Variants in SPTY2D1 observed in about 807,000 individuals in gnomAD.
The protein encoded by SPTY2D1 is protein SPT2 homolog.
SPTY2D1 carries 21 observed loss-of-function variants against 64.0 expected under a neutral mutation model. That is an observed-to-expected ratio of 0.33 (90% CI 0.23 to 0.47). The LOEUF (loss-of-function observed/expected upper bound fraction) is 0.47, where lower values mean the gene tolerates loss of function less well. Ranked by LOEUF, SPTY2D1 falls within the 20% of genes least tolerant of loss-of-function variation. The pLI, the probability that SPTY2D1 is intolerant of heterozygous loss-of-function variation, is 1.00. For synonymous variants in SPTY2D1, 287 were observed against 286.8 expected (o/e 1.00, Z -0.01); for missense variants, 724 against 837.2 (o/e 0.86, Z 1.67).
chr11:18,611,351 G>T, intron 5 of SPTY2D1, 126 bp downstream of exon 5: 1 of 837,998 alleles, frequency 1.2e-6, no homozygotes, highest in Non-Finnish European at 2.0e-6. Flanking sequence ...CCCACAGCTA[G>T]TAAACAGGAT....
chr11:18,616,764 CT>C, intron 2 of SPTY2D1, 110 bp downstream of exon 2: 1 of 921,826 alleles, frequency 1.1e-6, no homozygotes, highest in Non-Finnish European at 1.7e-6. Flanking sequence ...CACACACACC[CT>C]CCCAAATCTG....
At chr11:18,611,340 C>A in intron 5 of SPTY2D1, 137 bp downstream of exon 5, 1 of 773,338 alleles carries the variant, frequency 1.3e-6, no homozygotes, top group Admixed American at 2.6e-5. Context: ...TTGTCCAAGG[C>A]CCCACAGCTA....
Position 18,615,877 on chromosome 11 carries a change from C to T in SPTY2D1, c.397G>A (p.Glu133Lys), listed in dbSNP as rs535616185. Residue 133 changes from glutamate (E) to lysine (K), a missense_variant, in exon 3 of 6, where the codon GAG (glutamate) becomes AAG (lysine). By Grantham distance (56) the Glu-to-Lys change is moderately conservative. Transcript: ENST00000336349. The stretch of plus-strand genomic sequence containing the variant: ...TGCTCTGACTCTGCGTGATTGTACT[C>T]GAGGAATTCATTCTCTTCTTCCATT... ...YEMEEENEFL[E>K]YNHAESEQEY... The T allele has an allele frequency of 1.2e-5, 20 of 1,614,034 alleles. No homozygotes were observed. Among genetic ancestry groups the T allele is most frequent in the South Asian group, 3.3e-5 (3 of 91,068 alleles).
intron 1 of SPTY2D1, among the ~76,000 whole-genome samples, chr11:18,627,873 C>T (rs375878521): frequency 0.017 from 2,098 of 124,438 alleles, 36 homozygotes; most frequent in African/African-American, 0.048. Flanking sequence ...AGCAAGACTC[C>T]GTCTCAAAAA....
chr11:18,620,023 G>A (rs1296340550), intron 1 of SPTY2D1, among the ~76,000 whole-genome samples: 4 of 152,154 alleles, frequency 2.6e-5, no homozygotes, highest in Non-Finnish European at 5.9e-5. Context: ...CCGAAAAGCT[G>A]CTCTTGACTG....
intron 1 of SPTY2D1, among the ~76,000 whole-genome samples, chr11:18,626,654 C>A (rs1047880042): frequency 6.6e-6 from 1 of 152,186 alleles, no homozygotes; most frequent in African/African-American, 2.4e-5. Flanking sequence ...GGGCAAGTTA[C>A]GGGCCTCAGT....
intron 1 of SPTY2D1, among the ~76,000 whole-genome samples, chr11:18,627,908 C>T (rs1180684649): frequency 6.6e-6 from 1 of 151,648 alleles, no homozygotes; most frequent in African/African-American, 2.4e-5. Context: ...ATTAGCTGGG[C>T]ATGGTGGTGC....
intron 1 of SPTY2D1, among the ~76,000 whole-genome samples, chr11:18,618,456 A>C (rs1029999341): frequency 5.3e-5 from 8 of 152,236 alleles, no homozygotes; most frequent in Admixed American, 5.2e-4. Context: ...AAATATTTCC[A>C]CTTTATAAGT....
chr11:18,616,698 A>G (rs900820186), intron 2 of SPTY2D1, among the ~76,000 whole-genome samples, 177 bp downstream of exon 2: 2 of 151,566 alleles, frequency 1.3e-5, no homozygotes, highest in Admixed American at 6.6e-5. Context: ...TCGAGGTAAC[A>G]TATGTAAAGC....
rs138155181 is a variant in SPTY2D1, at chr11:18,615,373, G to A, written c.901C>T (p.Arg301Cys). 4.5e-4 allele frequency: 731 copies of A among 1,614,194 alleles called. No individual in the cohort carries two copies. Among genetic ancestry groups the A allele is most frequent in the Middle Eastern group, 6.6e-4 (4 of 6,052 alleles). The part of the protein sequence containing the change: ...GSGNSSQPSL[R>C]EGHDKPVFNG... Reference sequence around the variant, plus strand: ...AAAACAGGTTTGTCGTGGCCCTCACGAAGTGAGGGTTGGGAGCTATTGCCA... The same window carrying A: ...AAAACAGGTTTGTCGTGGCCCTCACAAAGTGAGGGTTGGGAGCTATTGCCA... Residue 301 changes from arginine to cysteine, a missense_variant, in exon 3 of 6, where the codon CGT (arginine) becomes TGT (cysteine). Around this residue, in one of 3 missense-constraint regions of SPTY2D1, gnomAD observed 426 missense variants for 431.8 expected, o/e 0.99. Coordinates refer to ENST00000336349, the MANE Select transcript of SPTY2D1 (RefSeq NM_194285.3).
intron 3 of SPTY2D1, among the ~76,000 whole-genome samples, chr11:18,613,340 AG>A (rs1387468854): frequency 3.9e-5 from 6 of 152,392 alleles, no homozygotes; most frequent in African/African-American, 1.4e-4. Context: ...TCAACAGCCC[AG>A]GATCTGGGAA....
intron 1 of SPTY2D1, among the ~76,000 whole-genome samples, chr11:18,628,492 T>A (rs1453418149): frequency 6.6e-6 from 1 of 152,208 alleles, no homozygotes; most frequent in Non-Finnish European, 1.5e-5. Context: ...TGGAGAATCA[T>A]GTTTATAAAG....
At chr11:18,611,428 A>G (rs1362317991) in intron 5 of SPTY2D1, 49 bp downstream of exon 5, 2 of 1,540,796 alleles carry the variant, frequency 1.3e-6, no homozygotes, top group Non-Finnish European at 9.0e-7. Flanking sequence ...ATAAGCAGAA[A>G]GGAATTTTTA....
In SPTY2D1 at chr11:18,615,585, T is replaced by C. The variant is rs1222462230; in HGVS notation, c.689A>G (p.Lys230Arg). 1.9e-6 allele frequency: 3 copies of C among 1,614,224 alleles called. No individual in the cohort carries two copies. The highest frequency in any genetic ancestry group is 2.5e-6 in the Non-Finnish European group (3 of 1,180,050). ...CACACTTTCTTTCTGAGAGGGTGCC[T>C]TTTTGGACACAGTTGGAGGTAGTTT... ...DGKLPPTVSK[K>R]APSQKESVGT... is the part of the protein sequence containing the mutation. Residue 230 changes from lysine to arginine, a missense_variant, in exon 3 of 6, where the codon AAG (lysine) becomes AGG (arginine). This residue lies in a region of SPTY2D1 where 426 missense variants were observed against 431.8 expected (regional missense o/e 0.99). Transcript: ENST00000336349.
rs1854139959 is a variant in SPTY2D1, at chr11:18,608,227, G to A, written c.*1634C>T. ...CTAGTGATGATGACACCTTTCATGG[G>A]ATTCAACTTAAAAATTAAATCCTTG... On this transcript the variant is annotated 3_prime_UTR_variant, in exon 6 of 6. Transcript: ENST00000336349. 1 of 152,494 alleles carries A rather than the reference G, an allele frequency of 6.6e-6. No homozygotes were observed. Among genetic ancestry groups the A allele is most frequent in the African/African-American group, 2.4e-5 (1 of 41,378 alleles). 9.4% of individuals were successfully genotyped at this position (152,494 alleles called of 1,614,324 possible). A position where few individuals can be genotyped will look rare whatever the true frequency, so the allele number is the denominator to read the frequency against.
At chr11:18,610,142 C>T (rs16935596) in intron 5 of SPTY2D1, 188 bp from the exon 6 acceptor site, 45,291 of 488,256 alleles carry the variant, frequency 0.093, 2,711 homozygotes, top group East Asian at 0.2. Context: ...CTCAAATTGT[C>T]GTGGGAAAAA....
intron 1 of SPTY2D1, among the ~76,000 whole-genome samples, chr11:18,619,873 A>C (rs1854364033): frequency 6.6e-6 from 1 of 152,218 alleles, no homozygotes; most frequent in African/African-American, 2.4e-5. Context: ...GCAAATACAT[A>C]TATTAGCATT....
At chr11:18,625,739 G>A (rs899520548) in intron 1 of SPTY2D1, among the ~76,000 whole-genome samples, 4 of 75,644 alleles carry the variant, frequency 5.3e-5, no homozygotes, top group African/African-American at 8.9e-5. Flanking sequence ...AATAATTTTT[G>A]TATTTTTTGT....
intron 1 of SPTY2D1, among the ~76,000 whole-genome samples, chr11:18,619,737 C>A (rs1449110924): frequency 6.6e-6 from 1 of 151,974 alleles, no homozygotes; most frequent in Non-Finnish European, 1.5e-5. Flanking sequence ...AGCCTGGTGA[C>A]AGAGCAAGAC....
Sources: gnomAD v4.1 joint callset for allele counts (sites outside exome capture counted in the v4.1 genomes callset) on GRCh38, gnomAD v4.1.1 for gene constraint, gnomAD v4.1.1 regional missense constraint, MANE v1.5 for transcripts, NCBI Gene and HGNC (gene_info 2026-07-23, HGNC 2026-07-21) for gene names.